HOXB3: variants seen among roughly 807,000 people sequenced by gnomAD.
The protein encoded by HOXB3 is homeobox B3.
Under a neutral mutation model 29.2 loss-of-function variants are expected in HOXB3, and 17 were observed. That is an observed-to-expected ratio of 0.58 (90% CI 0.40 to 0.87). HOXB3 has a LOEUF of 0.87. HOXB3 is among the 40% of genes least tolerant of loss of function. The pLI is 0.00. For synonymous variants in HOXB3, 317 were observed against 285.9 expected, an observed-to-expected ratio of 1.11 and a Z score of -1.10; for missense variants, 637 against 616.3, an observed-to-expected ratio of 1.03 and a Z score of -0.35.
At chr17:48,571,471 G>T (rs937733699) in intron 2 of HOXB3, among the ~76,000 whole-genome samples, 4 of 152,242 alleles carry the variant, frequency 2.6e-5, no homozygotes, top group Non-Finnish European at 5.9e-5. Context: ...GAAGTCAAAA[G>T]GTTGGGAGGA....
chr17:48,587,169 C>T (rs1024417793), intron 1 of HOXB3, among the ~76,000 whole-genome samples: 1 of 152,158 alleles, frequency 6.6e-6, no homozygotes, highest in East Asian at 1.9e-4. Context: ...CCAATCTCAA[C>T]CTCAGAGTCC....
rs2069271037 is a variant in HOXB3, at chr17:48,563,452, A to G, written c.-246-7834T>C. 5.9e-5 allele frequency among the ~76,000 whole-genome samples: 9 copies of G among 152,348 alleles called. No homozygotes were observed. The South Asian group carries it at 1.7e-3, about 28-fold the overall frequency. ...GGAGTACATACAGCTCCCGATGTGCAGATGCACTCACACAATACACAAACA... is the reference window on the plus strand; with the variant it reads ...GGAGTACATACAGCTCCCGATGTGCGGATGCACTCACACAATACACAAACA... On this transcript the variant is annotated intron_variant, in intron 2 of 4. Transcript: ENST00000498678.
chr17:48,577,548 C>T (rs919705314), intron 1 of HOXB3, among the ~76,000 whole-genome samples: 3 of 152,200 alleles, frequency 2.0e-5, no homozygotes, highest in Admixed American at 6.5e-5. Context: ...CCTTCTCCTC[C>T]TCCACCTCCT....
At chr17:48,560,899 C>G (rs2069170282) in intron 2 of HOXB3, among the ~76,000 whole-genome samples, 1 of 152,120 alleles carries the variant, frequency 6.6e-6, no homozygotes, top group Admixed American at 6.5e-5. Context: ...TGTTCAGTCC[C>G]TGGGCTGGGG....
chr17:48,581,739 G>A (rs1347762135), intron 1 of HOXB3: 2 of 152,306 alleles, frequency 1.3e-5, no homozygotes, highest in African/African-American at 4.8e-5. Context: ...AGGCGGCAGA[G>A]CCACCGCGGG....
At position 48,552,372 on chromosome 17, in the gene HOXB3, G is replaced by C. The variant is rs748370663; in HGVS notation, c.103C>G (p.Pro35Ala). ...NGFGFDVPPQ[P>A]PFQAATHLEG... ...AGGTGCGTGGCGGCCTGAAATGGGG[G>C]TTGGGGGGGGACATCGAAGCCGAAG... Residue 35 changes from proline (P) to alanine (A), a missense_variant, in exon 4 of 5, where the codon CCC (proline) becomes GCC (alanine). Physicochemically the swap from Pro to Ala is conservative, Grantham distance 27. Coordinates refer to ENST00000498678, the MANE Select transcript of HOXB3 (RefSeq NM_001384749.1). The C allele has an allele frequency of 1.2e-6, 2 of 1,613,518 alleles. No homozygotes were observed. The highest frequency in any genetic ancestry group is 1.7e-5 in the Admixed American group (1 of 59,976).
At position 48,551,141 on chromosome 17, in the gene HOXB3, TCCGCCGCCGCCGCCA is replaced by T. The variant is rs766375333; in HGVS notation, c.474_488del (p.Gly160_Gly164del). The T allele has an allele frequency of 7.1e-5, 93 of 1,307,186 alleles. 3 individuals carry two copies. The highest frequency in any genetic ancestry group is 4.6e-4 in the South Asian group (18 of 39,208). The allele number at this position is 1,307,186 out of a possible 1,614,324, so 81.0% of individuals were successfully genotyped here. A position where few individuals can be genotyped will look rare whatever the true frequency, so the allele number is the denominator to read the frequency against. On this transcript the variant is annotated inframe_deletion, in exon 5 of 5. Coordinates refer to ENST00000498678, the MANE Select transcript of HOXB3 (RefSeq NM_001384749.1). ...CACCGCCCCCGCTGCCACCACTGCC[TCCGCCGCCGCCGCCA>T]CCGCCGCCGCCACCACAGCCCTCTG...
chr17:48,554,889 G>A lies in HOXB3; in HGVS notation c.-159+642C>T. ...AGAGAAAGGTGCTAAGGGGACCCAA[G>A]ATCTGGGATCCAGAACAAGAGGGGG... is the stretch of plus-strand genomic sequence containing the variant. On this transcript the variant is annotated intron_variant, in intron 3 of 4. Coordinates refer to ENST00000498678, the MANE Select transcript of HOXB3 (RefSeq NM_001384749.1). The surrounding 1 kb of genome is among the most constrained non-coding windows in gnomAD (Gnocchi z 4.1). 1.4e-6 allele frequency: 1 copy of A among 695,932 alleles called. No individual in the cohort carries two copies. 43.1% of individuals were successfully genotyped at this position (695,932 alleles called of 1,614,324 possible).
intron 2 of HOXB3, 139 bp downstream of exon 2, chr17:48,573,698 C>T: frequency 1.6e-6 from 1 of 615,456 alleles, no homozygotes; most frequent in East Asian, 2.7e-5. Flanking sequence ...AGCAAACCTG[C>T]TGAAGCATCC....
chr17:48,572,987 G>A (rs1218521265), intron 2 of HOXB3, among the ~76,000 whole-genome samples: 6 of 152,060 alleles, frequency 3.9e-5, no homozygotes, highest in Non-Finnish European at 8.8e-5. Context: ...CCAGCCTCCC[G>A]CCTCCAAACC....
In HOXB3 at chr17:48,549,629, A is replaced by G. The variant is rs942486090; in HGVS notation, c.*705T>C. ...ACAACCTGCCTGCCCTAGCCTCCAC[A>G]CTTTTCCTTAAAAAAAAATGTATAT... is the stretch of plus-strand genomic sequence containing the variant. On this transcript the variant is annotated 3_prime_UTR_variant, in exon 5 of 5. Transcript: ENST00000498678. 6.6e-6 allele frequency: 1 copy of G among 151,658 alleles called. No homozygotes were observed. The highest frequency in any genetic ancestry group is 2.4e-5 in the African/African-American group (1 of 41,182). 9.4% of individuals were successfully genotyped at this position (151,658 alleles called of 1,614,324 possible). A position where few individuals can be genotyped will look rare whatever the true frequency, so the allele number is the denominator to read the frequency against.
chr17:48,554,633 G>C lies in HOXB3; in HGVS notation c.-159+898C>G. 1.4e-6 allele frequency: 1 copy of C among 702,130 alleles called. No individual in the cohort carries two copies. The highest frequency in any genetic ancestry group is 2.0e-5 in the Admixed American group (1 of 50,016). 43.5% of individuals were successfully genotyped at this position (702,130 alleles called of 1,614,324 possible). A position where few individuals can be genotyped will look rare whatever the true frequency, so the allele number is the denominator to read the frequency against. ...TGGCGACAAGCTACCAGCCACCTAC[G>C]ATGGCCCAAGGAGGCGAAGAAGAGC... On this transcript the variant is annotated intron_variant, in intron 3 of 4. Coordinates refer to ENST00000498678, the MANE Select transcript of HOXB3 (RefSeq NM_001384749.1). The surrounding 1 kb of genome is among the most constrained non-coding windows in gnomAD (Gnocchi z 4.1).
At chr17:48,584,041 A>G (rs2070000605) in intron 1 of HOXB3, among the ~76,000 whole-genome samples, 1 of 152,222 alleles carries the variant, frequency 6.6e-6, no homozygotes. Context: ...TCATAATACA[A>G]CAGTCATTTA....
At chr17:48,578,021 C>T in intron 1 of HOXB3, 1 of 1,140,626 alleles carries the variant, frequency 8.8e-7, no homozygotes, top group African/African-American at 1.6e-5. Context: ...GAGGAGGGCC[C>T]CGGCGGGTGG....
At chr17:48,563,136 T>G (rs1343862001) in intron 2 of HOXB3, among the ~76,000 whole-genome samples, 1 of 152,040 alleles carries the variant, frequency 6.6e-6, no homozygotes, top group Non-Finnish European at 1.5e-5. Context: ...CACCACAAAG[T>G]TAAAAATTCA....
chr17:48,585,561 G>T (rs2070031673), intron 1 of HOXB3, among the ~76,000 whole-genome samples: 1 of 152,222 alleles, frequency 6.6e-6, no homozygotes, highest in South Asian at 2.1e-4. Flanking sequence ...GCTCCGGGAT[G>T]TTACAGCCTC....
At chr17:48,568,630 C>T (rs1009734105) in intron 2 of HOXB3, among the ~76,000 whole-genome samples, 19 of 147,686 alleles carry the variant, frequency 1.3e-4, no homozygotes, top group African/African-American at 4.5e-4. Context: ...CACACGCAGA[C>T]GCGCACGCAC....
At position 48,550,697 on chromosome 17, in the gene HOXB3, AGGGGGCTGGTAGTTG is replaced by A; in HGVS notation, c.918_932del (p.Asn307_Pro311del). ...TCTGCGGGGCGCCGCAGCCTTTGAG[AGGGGGCTGGTAGTTG>A]GAGGGCAGCGCGTAGGCATTCTGGT... On this transcript the variant is annotated inframe_deletion, in exon 5 of 5. Coordinates refer to ENST00000498678, the MANE Select transcript of HOXB3 (RefSeq NM_001384749.1). 1 of 1,537,966 alleles carries A rather than the reference AGGGGGCTGGTAGTTG, an allele frequency of 6.5e-7. No homozygotes were observed. Among genetic ancestry groups the A allele is most frequent in the Non-Finnish European group, 8.8e-7 (1 of 1,141,826 alleles).
chr17:48,589,060 G>T (rs963308714), intron 1 of HOXB3, among the ~76,000 whole-genome samples: 1 of 152,124 alleles, frequency 6.6e-6, no homozygotes, highest in Non-Finnish European at 1.5e-5. Context: ...AATTTGGTGG[G>T]GAAGAAGCCT....
Sources: allele counts gnomAD v4.1 joint callset (sites outside exome capture counted in the v4.1 genomes callset), GRCh38; gene constraint gnomAD v4.1.1; non-coding constraint Gnocchi (gnomAD v3.1); transcripts MANE v1.5; gene names NCBI Gene and HGNC (gene_info 2026-07-23, HGNC 2026-07-21).